PLXNA4: variants seen among roughly 807,000 people sequenced by gnomAD.
PLXNA4 encodes the protein plexin-A4.
PLXNA4 carries 44 observed loss-of-function variants against 191.8 expected under a neutral mutation model. The observed-to-expected ratio is 0.23, with a 90% CI of 0.18 to 0.29. The LOEUF (loss-of-function observed/expected upper bound fraction) is 0.29, where lower values mean the gene tolerates loss of function less well. Ranked by LOEUF, PLXNA4 falls within the 10% of genes least tolerant of loss-of-function variation. The pLI, the probability that PLXNA4 is intolerant of heterozygous loss-of-function variation, is 1.00. For missense variants in PLXNA4, 1,800 were observed against 2,488.8 expected (o/e 0.72, Z 5.89); for synonymous variants, 1,082 against 1,009.5 (o/e 1.07, Z -1.36).
intron 3 of PLXNA4, among the ~76,000 whole-genome samples, chr7:132,378,578 C>A (rs182326491): frequency 2.9e-4 from 44 of 152,292 alleles, no homozygotes; most frequent in African/African-American, 9.4e-4. Context: ...ACCAGACATT[C>A]CAAGAAGTTT....
chr7:132,306,892 C>T (rs1801543735), intron 3 of PLXNA4, among the ~76,000 whole-genome samples: 2 of 152,066 alleles, frequency 1.3e-5, no homozygotes, highest in South Asian at 2.1e-4. Context: ...GTGTCTGGGG[C>T]AAAGAAGAGC....
chr7:132,533,955 T>C (rs1464368968), intron 1 of PLXNA4, among the ~76,000 whole-genome samples: 1 of 150,896 alleles, frequency 6.6e-6, no homozygotes, highest in African/African-American at 2.5e-5. Flanking sequence ...ATTACTATTA[T>C]TATGTTAACA....
At chr7:132,467,955 C>T (rs193257887) in intron 3 of PLXNA4, among the ~76,000 whole-genome samples, 1 of 152,298 alleles carries the variant, frequency 6.6e-6, no homozygotes, top group Non-Finnish European at 1.5e-5. Flanking sequence ...ATGCCATCAG[C>T]AGTAACTGCA....
intron 4 of PLXNA4, among the ~76,000 whole-genome samples, 161 bp from the exon 5 acceptor site, chr7:132,241,327 G>A (rs920649973): frequency 1.3e-5 from 2 of 152,198 alleles, no homozygotes; most frequent in African/African-American, 2.4e-5. Flanking sequence ...GAGTGATTAT[G>A]TTTGAGTAGG....
intron 1 of PLXNA4, among the ~76,000 whole-genome samples, chr7:132,541,810 T>C (rs1184555107): frequency 1.3e-5 from 2 of 152,222 alleles, no homozygotes; most frequent in African/African-American, 4.8e-5. Context: ...TCAGTTTCCA[T>C]TGGTGCATCT....
intron 2 of PLXNA4, among the ~76,000 whole-genome samples, chr7:132,627,724 A>G (rs1292938376): frequency 6.6e-6 from 1 of 152,166 alleles, no homozygotes; most frequent in Non-Finnish European, 1.5e-5. Flanking sequence ...TGCTTCTTCC[A>G]CCATATGAGG....
chr7:132,610,929 T>C (rs1028987345), intron 2 of PLXNA4, among the ~76,000 whole-genome samples: 2 of 152,138 alleles, frequency 1.3e-5, no homozygotes, highest in African/African-American at 4.8e-5. Context: ...GTGGAGCAGT[T>C]CCTTGTCTGT....
chr7:132,595,733 C>T (rs983508242), intron 2 of PLXNA4, among the ~76,000 whole-genome samples: 22 of 152,206 alleles, frequency 1.4e-4, no homozygotes, highest in African/African-American at 4.8e-4. Context: ...TTCTTTCTTC[C>T]CCCAAGTATT....
intron 3 of PLXNA4, among the ~76,000 whole-genome samples, chr7:132,335,256 G>A (rs1241246438): frequency 6.6e-6 from 1 of 152,180 alleles, no homozygotes; most frequent in African/African-American, 2.4e-5. Context: ...TAGGATTCTA[G>A]GGAGGATGAA....
chr7:132,592,865 A>T (rs1227954144), intron 2 of PLXNA4, among the ~76,000 whole-genome samples: 6 of 149,180 alleles, frequency 4.0e-5, no homozygotes, highest in Admixed American at 3.3e-4. Flanking sequence ...AGCAAAAAAA[A>T]TTTAAAAAAA....
chr7:132,205,282 C>CG (rs562154300), intron 10 of PLXNA4, among the ~76,000 whole-genome samples: 15 of 152,088 alleles, frequency 9.9e-5, no homozygotes, highest in East Asian at 1.9e-4. Flanking sequence ...CAGAATCACC[C>CG]GGGGGGCCTA....
At chr7:132,472,674 A>G (rs1796972967) in intron 3 of PLXNA4, among the ~76,000 whole-genome samples, 2 of 152,258 alleles carry the variant, frequency 1.3e-5, no homozygotes, top group African/African-American at 2.4e-5. Flanking sequence ...GAACAGCCCC[A>G]GGGCTCAGGG....
chr7:132,346,270 T>C (rs1276378879), intron 3 of PLXNA4, among the ~76,000 whole-genome samples: 3 of 152,236 alleles, frequency 2.0e-5, no homozygotes, highest in Admixed American at 6.5e-5. Context: ...AAACTTAGCA[T>C]GCCTTACGAG....
intron 3 of PLXNA4, among the ~76,000 whole-genome samples, chr7:132,451,626 C>T (rs1183694362): frequency 6.6e-6 from 1 of 152,182 alleles, no homozygotes; most frequent in Admixed American, 6.5e-5. Context: ...CTGATGGGCC[C>T]AGTGGGTAAA....
intron 2 of PLXNA4, among the ~76,000 whole-genome samples, chr7:132,495,506 C>G (rs577284048): frequency 6.6e-6 from 1 of 152,306 alleles, no homozygotes; most frequent in Non-Finnish European, 1.5e-5. Context: ...CACCTATGTA[C>G]CTGCCCTGCT....
chr7:132,277,383 C>A (rs1800319809), intron 4 of PLXNA4, among the ~76,000 whole-genome samples: 1 of 152,176 alleles, frequency 6.6e-6, no homozygotes, highest in Admixed American at 6.5e-5. Flanking sequence ...CAGTACCAAC[C>A]ACCATGCAGG....
chr7:132,550,207 C>T (rs916659654), intron 1 of PLXNA4, among the ~76,000 whole-genome samples: 1 of 152,138 alleles, frequency 6.6e-6, no homozygotes, highest in Non-Finnish European at 1.5e-5. Context: ...GTACCCCTGA[C>T]CCCCACAGCA....
chr7:132,165,254 G>A (rs896130358), intron 22 of PLXNA4, 54 bp from the exon 23 acceptor site: 16 of 1,586,614 alleles, frequency 1.0e-5, no homozygotes, highest in Admixed American at 5.2e-5. Context: ...AGAAGCAGCT[G>A]GTCAGAGCCC....
At chr7:132,524,948 A>C (rs964878792) in intron 1 of PLXNA4, among the ~76,000 whole-genome samples, 2 of 152,182 alleles carry the variant, frequency 1.3e-5, no homozygotes, top group African/African-American at 4.8e-5. Flanking sequence ...AATCTTCACA[A>C]CTTTTAAGCG....
Sources: allele counts gnomAD v4.1 joint callset (sites outside exome capture counted in the v4.1 genomes callset), GRCh38; gene constraint gnomAD v4.1.1; transcripts MANE v1.5; gene names NCBI Gene and HGNC (gene_info 2026-07-23, HGNC 2026-07-21).